The following CCDC149 variants were observed in gnomAD, a reference collection of about 807,000 sequenced individuals.
The protein encoded by CCDC149 is coiled-coil domain-containing protein 149.
Under a neutral mutation model 59.9 loss-of-function variants are expected in CCDC149, and 45 were observed. The observed-to-expected ratio is 0.75, with a 90% CI of 0.59 to 0.96. CCDC149 has a LOEUF of 0.96. Among genes scored for constraint, CCDC149 ranks in the 40% least tolerant of loss-of-function variants. The pLI is 0.00. For missense variants in CCDC149, 584 were observed against 664.7 expected (o/e 0.88, Z 1.33); for synonymous variants, 245 against 260.6 (o/e 0.94, Z 0.58).
chr4:24,898,680 C>T (rs1720984763), intron 1 of CCDC149, among the ~76,000 whole-genome samples: 1 of 152,176 alleles, frequency 6.6e-6, no homozygotes, highest in African/African-American at 2.4e-5. Context: ...TGAGGACCCC[C>T]ATCCTCAGGA....
chr4:24,817,788 T>C (rs370416275), intron 12 of CCDC149, among the ~76,000 whole-genome samples: 2 of 152,050 alleles, frequency 1.3e-5, no homozygotes, highest in African/African-American at 4.8e-5. Context: ...GTTGTTGCTT[T>C]AAGTTCTAAA....
chr4:24,820,177 C>CA (rs1362412122), intron 11 of CCDC149: 38 of 509,794 alleles, frequency 7.5e-5, no homozygotes, highest in African/African-American at 6.6e-4. Context: ...CACACACACA[C>CA]AAAATCCTTA....
intron 1 of CCDC149, among the ~76,000 whole-genome samples, chr4:24,971,002 T>C (rs1202217346): frequency 6.6e-6 from 1 of 152,144 alleles, no homozygotes; most frequent in African/African-American, 2.4e-5. Flanking sequence ...AAAGGTGGTG[T>C]TGCAAAACTG....
intron 1 of CCDC149, among the ~76,000 whole-genome samples, chr4:24,925,921 A>G (rs952760388): frequency 1.3e-5 from 2 of 152,160 alleles, no homozygotes; most frequent in African/African-American, 2.4e-5. Flanking sequence ...TTGGCCGGGC[A>G]TGGTGGCTCA....
In CCDC149 at chr4:24,838,285, T is replaced by C. The variant is rs1716682285; in HGVS notation, c.373-13A>G. The C allele has an allele frequency of 1.2e-6, 2 of 1,602,202 alleles. No individual in the cohort carries two copies. Among genetic ancestry groups the C allele is most frequent in the Non-Finnish European group, 8.6e-7 (1 of 1,169,270 alleles). On this transcript the variant is annotated splice_polypyrimidine_tract_variant and intron_variant, in intron 4 of 12. Transcript: ENST00000635206. The stretch of plus-strand genomic sequence containing the variant: ...TCATCCTCAAGAGCTGCATTTTCCA[T>C]TGGTAGAAAAAGAAAAAGGCACAGA...
rs61731836 is a variant in CCDC149, at chr4:24,808,711, C to T, written c.1301G>A (p.Arg434His). The change falls in exon 13 of 13, where the codon CGC (arginine) becomes CAC (histidine). Residue 434 changes from arginine (R) to histidine (H), a missense_variant. Coordinates refer to ENST00000635206, the MANE Select transcript of CCDC149 (RefSeq NM_001330643.2). ...ATGAAAGAGCTTGCATTGGTTCCCG[C>T]GGCTCTGATTTGCTGGGGAGTTGAC... 1.5e-5 allele frequency: 23 copies of T among 1,552,188 alleles called. No individual in the cohort carries two copies. The highest frequency in any genetic ancestry group is 3.6e-5 in the South Asian group (3 of 84,060).
At chr4:24,888,026 T>C (rs1327365911) in intron 1 of CCDC149, among the ~76,000 whole-genome samples, 2 of 152,160 alleles carry the variant, frequency 1.3e-5, no homozygotes, top group African/African-American at 4.8e-5. Context: ...TCTGGGAAGC[T>C]TCTGCCACTC....
At chr4:24,838,484 C>T (rs1280953452) in intron 4 of CCDC149, among the ~76,000 whole-genome samples, 1 of 152,060 alleles carries the variant, frequency 6.6e-6, no homozygotes, top group East Asian at 1.9e-4. Context: ...CTGTTTAAGG[C>T]CTGGGCACTC....
At chr4:24,922,188 T>C (rs1225593195) in intron 1 of CCDC149, among the ~76,000 whole-genome samples, 3 of 152,218 alleles carry the variant, frequency 2.0e-5, no homozygotes, top group Admixed American at 6.5e-5. Flanking sequence ...GCAATGACCC[T>C]ATTTCAGCAT....
At chr4:24,828,172 G>C (rs1321257611) in intron 9 of CCDC149, 3 of 151,476 alleles carry the variant, frequency 2.0e-5, no homozygotes, top group Non-Finnish European at 4.4e-5. Flanking sequence ...CTTATGTACT[G>C]ATGCGAAGCA....
intron 1 of CCDC149, among the ~76,000 whole-genome samples, chr4:24,954,515 G>A (rs1723406838): frequency 6.6e-6 from 1 of 152,242 alleles, no homozygotes; most frequent in Admixed American, 6.5e-5. Context: ...CATGCCTGCA[G>A]CATTAGCACC....
At chr4:24,907,545 G>C (rs1341824061) in intron 1 of CCDC149, among the ~76,000 whole-genome samples, 2 of 152,206 alleles carry the variant, frequency 1.3e-5, no homozygotes, top group East Asian at 1.9e-4. Flanking sequence ...GGATCTGCTA[G>C]AGAAGGGTCT....
chr4:24,822,086 T>G (rs1409052047), intron 10 of CCDC149, among the ~76,000 whole-genome samples: 2 of 152,210 alleles, frequency 1.3e-5, no homozygotes, highest in East Asian at 3.8e-4. Flanking sequence ...GCACAAATCT[T>G]TATTAAGTTC....
chr4:24,959,565 C>A (rs1723578011), intron 1 of CCDC149, among the ~76,000 whole-genome samples: 1 of 152,010 alleles, frequency 6.6e-6, no homozygotes, highest in South Asian at 2.1e-4. Flanking sequence ...GCTTAAGAAG[C>A]ACAAGAAACA....
rs554187685 is a variant in CCDC149 at position 24,954,719 on chromosome 4, A to G, written c.-65+25350T>C. On this transcript the variant is annotated intron_variant, in intron 1 of 12. Transcript: ENST00000389609. ...CTCCCTAGAAACAGTTCTGTCCCCAAGGTCCTAGCACTCTGGGCCTGTGAT... is the reference window on the plus strand; with the variant it reads ...CTCCCTAGAAACAGTTCTGTCCCCAGGGTCCTAGCACTCTGGGCCTGTGAT... Among the ~76,000 whole-genome samples the G allele has an allele frequency of 4.6e-5, 7 of 152,298 alleles. No individual in the cohort carries two copies. The South Asian group carries it at 1.0e-3, about 23-fold the overall frequency.
intron 4 of CCDC149, among the ~76,000 whole-genome samples, chr4:24,843,322 T>C (rs16876212): frequency 0.017 from 2,565 of 152,302 alleles, 61 homozygotes; most frequent in African/African-American, 0.056. Flanking sequence ...CTGCTGCAGA[T>C]AGCACACCTG....
intron 10 of CCDC149, among the ~76,000 whole-genome samples, chr4:24,821,796 C>A (rs1314573183): frequency 1.3e-5 from 2 of 152,064 alleles, no homozygotes; most frequent in Non-Finnish European, 2.9e-5. Flanking sequence ...TGGGGTATCA[C>A]AAAAGGAGTA....
At position 24,885,848 on chromosome 4, in the gene CCDC149, A is replaced by AT. The variant is rs375352578; in HGVS notation, c.64-9152dup. ...GAGGGGACAGAGAAATGAAATTAGTATTTTTTTGAATATCTACTATGTGCC... is the reference window on the plus strand; with the variant it reads ...GAGGGGACAGAGAAATGAAATTAGTATTTTTTTTGAATATCTACTATGTGCC... On this transcript the variant is annotated intron_variant, in intron 1 of 12. Transcript: ENST00000635206. 5.5e-3 allele frequency among the ~76,000 whole-genome samples: 832 copies of AT among 152,260 alleles called. 10 individuals carry two copies. Among genetic ancestry groups the AT allele is most frequent in the African/African-American group, 0.019 (796 of 41,532 alleles).
At chr4:24,968,507 C>G (rs1444235624) in intron 1 of CCDC149, among the ~76,000 whole-genome samples, 2 of 152,176 alleles carry the variant, frequency 1.3e-5, no homozygotes, top group Admixed American at 1.3e-4. Context: ...TGTAAGAGGT[C>G]TTGGGACCTG....
Sources: allele counts gnomAD v4.1 joint callset (sites outside exome capture counted in the v4.1 genomes callset), GRCh38; gene constraint gnomAD v4.1.1; transcripts MANE v1.5; gene names NCBI Gene and HGNC (gene_info 2026-07-23, HGNC 2026-07-21).